ISM1: variants seen among roughly 807,000 people sequenced by gnomAD.
The protein encoded by ISM1 is isthmin 1, also known as isthmin-1.
A neutral mutation model predicts 46.3 loss-of-function variants in ISM1; 25 were observed. The observed-to-expected ratio is 0.54, with a 90% CI of 0.39 to 0.75. The LOEUF (loss-of-function observed/expected upper bound fraction) is 0.75. ISM1 is among the 30% of genes least tolerant of loss of function. The pLI is 0.00. For synonymous variants in ISM1, 255 were observed against 256.7 expected, an observed-to-expected ratio of 0.99 and a Z score of 0.06; for missense variants, 536 against 625.4, an observed-to-expected ratio of 0.86 and a Z score of 1.52.
At chr20:13,225,428 T>G (rs565949018) in intron 1 of ISM1, among the ~76,000 whole-genome samples, 157 of 152,214 alleles carry the variant, frequency 1.0e-3, no homozygotes, top group Non-Finnish European at 1.2e-3. Context: ...CTATGACATA[T>G]ATGTATATAT....
chr20:13,264,609 A>G (rs2040023025), intron 1 of ISM1, among the ~76,000 whole-genome samples: 1 of 152,168 alleles, frequency 6.6e-6, no homozygotes, highest in Non-Finnish European at 1.5e-5. Context: ...GACTCTGGCC[A>G]TTCTGACCAC....
At position 13,287,375 on chromosome 20, in the gene ISM1, C is replaced by T. The variant is rs141561238; in HGVS notation, c.644-1165C>T. On this transcript the variant is annotated intron_variant, in intron 3 of 5. Coordinates refer to ENST00000262487, the MANE Select transcript of ISM1 (RefSeq NM_080826.2). Reference sequence around the variant, plus strand: ...CACGAAAACAACATGGGGAAACTGCCCCCATGATTCAGTTATCTCCAGCTG... The same window carrying T: ...CACGAAAACAACATGGGGAAACTGCTCCCATGATTCAGTTATCTCCAGCTG... Among the ~76,000 whole-genome samples, 10 of 152,192 alleles carry T rather than the reference C, an allele frequency of 6.6e-5. No individual in the cohort carries two copies. In the East Asian group the frequency reaches 1.7e-3, roughly 26 times the overall value.
intron 5 of ISM1, among the ~76,000 whole-genome samples, chr20:13,296,407 G>A (rs569191337): frequency 3.3e-5 from 5 of 152,278 alleles, no homozygotes; most frequent in African/African-American, 1.2e-4. Context: ...AGTAAGGAGA[G>A]GATTTATTCA....
the ISM1 span, among the ~76,000 whole-genome samples, chr20:13,312,484 TG>T: frequency 2.0e-5 from 3 of 152,196 alleles, no homozygotes; most frequent in Admixed American, 2.0e-4. Context: ...CTCTCCCTCA[TG>T]CACAGTCTGA....
At chr20:13,251,793 G>C (rs780685834) in intron 1 of ISM1, among the ~76,000 whole-genome samples, 1 of 152,078 alleles carries the variant, frequency 6.6e-6, no homozygotes, top group Non-Finnish European at 1.5e-5. Flanking sequence ...TTTGCTTACC[G>C]TGTGACTTTT....
rs117395396 is a variant in ISM1, at chr20:13,236,239, A to C, written c.138+14325A>C. Among the ~76,000 whole-genome samples, 583 of 152,258 alleles carry C rather than the reference A, an allele frequency of 3.8e-3. 5 individuals are homozygous for C. Among genetic ancestry groups the C allele is most frequent in the Middle Eastern group, 0.017 (5 of 294 alleles). On this transcript the variant is annotated intron_variant, in intron 1 of 5. Transcript: ENST00000262487. ...TGCCCGTCTCGGCCATCCTTCTAAC[A>C]AGGACCTGCTCAGAGTTACAATTCT...
Position 13,299,509 on chromosome 20 carries a change from C to T in ISM1, c.*50C>T. On this transcript the variant is annotated 3_prime_UTR_variant, in exon 6 of 6. Coordinates refer to ENST00000262487, the MANE Select transcript of ISM1 (RefSeq NM_080826.2). The surrounding 1 kb of genome is among the most constrained non-coding windows in gnomAD (Gnocchi z 5.8). ...GCTGCCTCTGGTTCTGGAGCACACA[C>T]GTGCTGCACTGACGTGCCGACTGGC... 1 of 1,506,872 alleles carries T rather than the reference C, an allele frequency of 6.6e-7. No homozygotes were observed. Among genetic ancestry groups the T allele is most frequent in the Non-Finnish European group, 9.0e-7 (1 of 1,112,960 alleles). 93.3% of individuals were successfully genotyped at this position (1,506,872 alleles called of 1,614,324 possible).
chr20:13,256,945 G>T lies in ISM1; in HGVS notation c.139-13559G>T, dbSNP rs79143567. On this transcript the variant is annotated intron_variant, in intron 1 of 5. Transcript: ENST00000262487. The stretch of plus-strand genomic sequence containing the variant: ...TGGAGGTGTGGCTGTCACTAGGGAA[G>T]ATAGGAGCTGGGCCTGAGGGGAAAA... Among the ~76,000 whole-genome samples, 843 of 152,320 alleles carry T rather than the reference G, an allele frequency of 5.5e-3. 8 individuals are homozygous for T. The highest frequency in any genetic ancestry group is 0.018 in the African/African-American group (751 of 41,562).
chr20:13,240,309 T>A (rs1208172349), intron 1 of ISM1, among the ~76,000 whole-genome samples: 1 of 152,158 alleles, frequency 6.6e-6, no homozygotes, highest in African/African-American at 2.4e-5. Context: ...TAGCAGGACA[T>A]AAACAGGGAG....
chr20:13,275,256 G>A (rs1234094758), intron 2 of ISM1, among the ~76,000 whole-genome samples: 2 of 151,996 alleles, frequency 1.3e-5, no homozygotes, highest in Non-Finnish European at 2.9e-5. Flanking sequence ...ATATTAACAT[G>A]GCCACAGGCC....
intron 1 of ISM1, 131 bp downstream of exon 1, chr20:13,222,045 T>A: frequency 1.1e-6 from 1 of 920,118 alleles, no homozygotes; most frequent in Non-Finnish European, 1.4e-6. Flanking sequence ...GTTTTGGCAG[T>A]AGTTTTGCCC....
chr20:13,244,475 T>G (rs958319889), intron 1 of ISM1: 3 of 152,126 alleles, frequency 2.0e-5, no homozygotes, highest in African/African-American at 7.2e-5. Flanking sequence ...TACAAATTAT[T>G]TGGTAAGGCA....
chr20:13,299,183 G>A lies in ISM1; in HGVS notation c.1119G>A (p.Leu373=). ...PTARYCIRSM[L]SLESTTLAAQ... ...CCCGGTACTGCATCCGCTCCATGCTGTCCCTGGAGAGCACCACGCTGGCGG... is the reference window on the plus strand; with the variant it reads ...CCCGGTACTGCATCCGCTCCATGCTATCCCTGGAGAGCACCACGCTGGCGG... Residue 373 remains leucine, a synonymous_variant, in exon 6 of 6, where the codon CTG becomes CTA. Coordinates refer to ENST00000262487, the MANE Select transcript of ISM1 (RefSeq NM_080826.2). The surrounding 1 kb of genome is among the most constrained non-coding windows in gnomAD (Gnocchi z 5.8). The A allele has an allele frequency of 6.2e-7, 1 of 1,606,938 alleles. No individual in the cohort carries two copies. Among genetic ancestry groups the A allele is most frequent in the Non-Finnish European group, 8.5e-7 (1 of 1,176,710 alleles).
intron 1 of ISM1, among the ~76,000 whole-genome samples, chr20:13,222,517 C>G (rs535379319): frequency 6.6e-6 from 1 of 152,196 alleles, no homozygotes; most frequent in South Asian, 2.1e-4. Context: ...CTTGTGCCCC[C>G]TTGGTCATGG....
intron 1 of ISM1, among the ~76,000 whole-genome samples, chr20:13,255,216 A>G (rs181493600): frequency 1.5e-3 from 232 of 152,354 alleles, no homozygotes; most frequent in African/African-American, 5.3e-3. Flanking sequence ...GACTTGAAGG[A>G]TAGAAGAGAG....
intron 3 of ISM1, among the ~76,000 whole-genome samples, chr20:13,281,515 T>G (rs2040238115): frequency 6.6e-6 from 1 of 152,160 alleles, no homozygotes; most frequent in South Asian, 2.1e-4. Context: ...ATACTGCACT[T>G]TACAGATGGG....
intron 2 of ISM1, 105 bp downstream of exon 2, chr20:13,270,848 C>T: frequency 1.9e-6 from 2 of 1,050,758 alleles, no homozygotes; most frequent in Non-Finnish European, 2.8e-6. Flanking sequence ...TCTTCTTAAC[C>T]CCTTAATGAT....
the ISM1 span, among the ~76,000 whole-genome samples, chr20:13,308,115 T>A: frequency 3.9e-5 from 6 of 152,196 alleles, no homozygotes; most frequent in Non-Finnish European, 8.8e-5. Context: ...CTCTGTGATC[T>A]CTTAATTATT....
chr20:13,227,959 CTTT>C (rs747478331), intron 1 of ISM1, among the ~76,000 whole-genome samples: 15 of 129,020 alleles, frequency 1.2e-4, no homozygotes, highest in African/African-American at 3.4e-4. Context: ...CTGCTGCTGC[CTTT>C]TTTTTTTTTT....
Sources: allele counts gnomAD v4.1 joint callset (sites outside exome capture counted in the v4.1 genomes callset), GRCh38; gene constraint gnomAD v4.1.1; non-coding constraint Gnocchi (gnomAD v3.1); transcripts MANE v1.5; gene names NCBI Gene and HGNC (gene_info 2026-07-23, HGNC 2026-07-21).